Variants in KCNMB4 observed in about 807,000 individuals in gnomAD.
KCNMB4 encodes the protein calcium-activated potassium channel subunit beta-4.
KCNMB4 carries 3 observed loss-of-function variants against 20.7 expected under a neutral mutation model. The observed-to-expected ratio is 0.14, with a 90% CI of 0.07 to 0.37. KCNMB4 has a LOEUF of 0.37. Among genes scored for constraint, KCNMB4 ranks in the 10% least tolerant of loss-of-function variants. The probability of loss-of-function intolerance (pLI) is 1.00; values close to 1 mark genes in which losing one functional copy is unlikely to be tolerated. For synonymous variants in KCNMB4, 110 were observed against 113.4 expected (o/e 0.97, Z 0.19); for missense variants, 168 against 265.9 (o/e 0.63, Z 2.56).
chr12:70,392,508 C>A (rs1233873281), intron 1 of KCNMB4, among the ~76,000 whole-genome samples: 1 of 152,156 alleles, frequency 6.6e-6, no homozygotes, highest in East Asian at 1.9e-4. Context: ...GATTATAAAT[C>A]ATTCTATAAA....
intron 2 of KCNMB4, among the ~76,000 whole-genome samples, chr12:70,430,038 C>CCT (rs796664374): frequency 6.8e-6 from 1 of 147,056 alleles, no homozygotes; most frequent in African/African-American, 2.5e-5. Flanking sequence ...TTTAACTGAC[C>CCT]TTTTTTTTTT....
At chr12:70,410,952 A>C (rs1256028858) in intron 2 of KCNMB4, among the ~76,000 whole-genome samples, 4 of 152,234 alleles carry the variant, frequency 2.6e-5, no homozygotes, top group African/African-American at 4.8e-5. Flanking sequence ...TTTTAAAGAA[A>C]GATAAACATA....
chr12:70,421,039 G>A (rs1429689041), intron 2 of KCNMB4, among the ~76,000 whole-genome samples: 3 of 141,262 alleles, frequency 2.1e-5, no homozygotes, highest in Non-Finnish European at 3.0e-5. Context: ...GCGACGTAGC[G>A]AGACTCCGTC....
intron 2 of KCNMB4, among the ~76,000 whole-genome samples, chr12:70,409,787 T>C (rs376346018): frequency 3.9e-5 from 6 of 152,330 alleles, no homozygotes; most frequent in African/African-American, 1.4e-4. Flanking sequence ...GATACTACCA[T>C]GTGCCAATGT....
At chr12:70,389,875 C>T (rs1418876403) in intron 1 of KCNMB4, among the ~76,000 whole-genome samples, 1 of 152,078 alleles carries the variant, frequency 6.6e-6, no homozygotes, top group Non-Finnish European at 1.5e-5. Flanking sequence ...TGGAGTACAT[C>T]CTCAAATAGC....
chr12:70,409,032 C>T (rs959398135), intron 2 of KCNMB4, among the ~76,000 whole-genome samples: 1 of 152,162 alleles, frequency 6.6e-6, no homozygotes, highest in Admixed American at 6.5e-5. Context: ...ACTATTCATT[C>T]TTCAATTCCC....
chr12:70,408,319 A>G (rs903575179), intron 2 of KCNMB4, among the ~76,000 whole-genome samples: 1 of 152,220 alleles, frequency 6.6e-6, no homozygotes, highest in African/African-American at 2.4e-5. Context: ...ACTGCTAAAT[A>G]TGAAATTAAA....
intron 1 of KCNMB4, among the ~76,000 whole-genome samples, chr12:70,376,840 C>G (rs1055743412): frequency 8.0e-5 from 12 of 150,396 alleles, no homozygotes; most frequent in South Asian, 2.1e-4. Flanking sequence ...CCACTGCACT[C>G]CAGCCTGGGC....
intron 2 of KCNMB4, among the ~76,000 whole-genome samples, chr12:70,407,377 G>GCATT (rs2136133376): frequency 6.7e-6 from 1 of 149,614 alleles, no homozygotes; most frequent in East Asian, 2.0e-4. Flanking sequence ...ATTGATTACA[G>GCATT]CATTGGCCCT....
intron 1 of KCNMB4, among the ~76,000 whole-genome samples, chr12:70,377,758 G>A (rs1156252989): frequency 6.6e-6 from 1 of 152,094 alleles, no homozygotes; most frequent in East Asian, 1.9e-4. Flanking sequence ...TAATATCTAG[G>A]TTAATTGTTG....
At chr12:70,375,373 A>C (rs1477540015) in intron 1 of KCNMB4, among the ~76,000 whole-genome samples, 1 of 151,886 alleles carries the variant, frequency 6.6e-6, no homozygotes, top group Non-Finnish European at 1.5e-5. Context: ...GGTGGCTCAC[A>C]CCTGTAATAC....
intron 2 of KCNMB4, among the ~76,000 whole-genome samples, chr12:70,419,853 G>A (rs1869005788): frequency 6.6e-6 from 1 of 152,200 alleles, no homozygotes; most frequent in Non-Finnish European, 1.5e-5. Flanking sequence ...TAATGCTGTG[G>A]TTAGGAACAG....
chr12:70,412,883 G>T lies in KCNMB4; in HGVS notation c.464+12547G>T, dbSNP rs1034123029. Among the ~76,000 whole-genome samples, 6 of 152,154 alleles carry T rather than the reference G, an allele frequency of 3.9e-5. No homozygotes were observed. The South Asian group carries it at 6.2e-4, about 16-fold the overall frequency. On this transcript the variant is annotated intron_variant, in intron 2 of 2. Transcript: ENST00000258111. The stretch of plus-strand genomic sequence containing the variant: ...TATTTCTTACAGTCTTATCATTAGA[G>T]AATAGACTGGTTCTAAGGCTATTTT...
At chr12:70,396,076 G>A (rs925292735) in intron 1 of KCNMB4, among the ~76,000 whole-genome samples, 4 of 152,156 alleles carry the variant, frequency 2.6e-5, no homozygotes, top group Non-Finnish European at 5.9e-5. Context: ...CAACAGACTT[G>A]CCTCAACCCA....
chr12:70,391,198 A>G (rs1397228921), intron 1 of KCNMB4, among the ~76,000 whole-genome samples: 1 of 152,226 alleles, frequency 6.6e-6, no homozygotes, highest in African/African-American at 2.4e-5. Flanking sequence ...TTAGAAGGTT[A>G]TCTATTTATT....
chr12:70,388,089 A>G (rs893678310), intron 1 of KCNMB4, among the ~76,000 whole-genome samples: 4 of 152,184 alleles, frequency 2.6e-5, no homozygotes, highest in East Asian at 3.9e-4. Context: ...TTGTCTTTCT[A>G]TGCCTTGCTT....
At chr12:70,367,462 G>A (rs907694578) in intron 1 of KCNMB4, among the ~76,000 whole-genome samples, 1 of 152,124 alleles carries the variant, frequency 6.6e-6, no homozygotes, top group Non-Finnish European at 1.5e-5. Flanking sequence ...TCACGGTCAA[G>A]GTCCGAGCTT....
intron 2 of KCNMB4, among the ~76,000 whole-genome samples, chr12:70,402,526 C>T (rs985617291): frequency 1.3e-5 from 2 of 151,498 alleles, no homozygotes; most frequent in Non-Finnish European, 2.9e-5. Flanking sequence ...CACCTGTAGT[C>T]CCAGCTACTC....
intron 1 of KCNMB4, among the ~76,000 whole-genome samples, chr12:70,397,342 T>A (rs1868363177): frequency 6.6e-6 from 1 of 152,150 alleles, no homozygotes; most frequent in Non-Finnish European, 1.5e-5. Flanking sequence ...AGCAAGTCCT[T>A]GACTCTTGAA....
Sources: allele counts gnomAD v4.1 joint callset (sites outside exome capture counted in the v4.1 genomes callset), GRCh38; gene constraint gnomAD v4.1.1; transcripts MANE v1.5; gene names NCBI Gene and HGNC (gene_info 2026-07-23, HGNC 2026-07-21).